The following TMEM178B variants were observed in gnomAD, a reference collection of about 807,000 sequenced individuals.
The protein encoded by TMEM178B is transmembrane protein 178B.
A neutral mutation model predicts 31.0 loss-of-function variants in TMEM178B; 5 were observed. The observed-to-expected ratio is 0.16, with a 90% CI of 0.08 to 0.34. TMEM178B has a LOEUF of 0.34. Ranked by LOEUF, TMEM178B falls within the 10% of genes least tolerant of loss-of-function variation. The pLI is 1.00. For synonymous variants in TMEM178B, 164 were observed against 164.0 expected (o/e 1.00, Z 0.00); for missense variants, 275 against 400.3 (o/e 0.69, Z 2.67).
chr7:141,179,908 C>T (rs187489604), intron 1 of TMEM178B, among the ~76,000 whole-genome samples: 3 of 152,188 alleles, frequency 2.0e-5, no homozygotes, highest in East Asian at 1.9e-4. Flanking sequence ...CTCCTGGCCT[C>T]GCCGGTTTGT....
intron 1 of TMEM178B, among the ~76,000 whole-genome samples, chr7:141,091,147 G>T (rs1794874034): frequency 6.6e-6 from 1 of 152,160 alleles, no homozygotes; most frequent in Non-Finnish European, 1.5e-5. Flanking sequence ...GCTGGAAAAT[G>T]ATTTCCAGCA....
At chr7:141,415,119 TTG>T (rs1485469694) in intron 2 of TMEM178B, 1 of 152,250 alleles carries the variant, frequency 6.6e-6, no homozygotes, top group Non-Finnish European at 1.5e-5. Context: ...AGAAAGGAGA[TTG>T]TGCTGGTGAG....
At chr7:141,330,373 G>A (rs1351460335) in intron 2 of TMEM178B, among the ~76,000 whole-genome samples, 2 of 152,140 alleles carry the variant, frequency 1.3e-5, no homozygotes, top group African/African-American at 4.8e-5. Flanking sequence ...AGAACATATG[G>A]TGTTTGGTTT....
At chr7:141,459,482 C>A (rs1802024639) in intron 3 of TMEM178B, among the ~76,000 whole-genome samples, 1 of 152,166 alleles carries the variant, frequency 6.6e-6, no homozygotes, top group Admixed American at 6.5e-5. Context: ...CAAGCTCAAA[C>A]AGAGGATAGG....
intron 1 of TMEM178B, among the ~76,000 whole-genome samples, chr7:141,159,806 G>A (rs1335775006): frequency 6.6e-6 from 1 of 152,120 alleles, no homozygotes; most frequent in East Asian, 1.9e-4. Context: ...TCGTCAGGGG[G>A]TTGGGGGATG....
At chr7:141,439,263 A>T (rs957332363) in intron 3 of TMEM178B, among the ~76,000 whole-genome samples, 1 of 152,214 alleles carries the variant, frequency 6.6e-6, no homozygotes, top group Non-Finnish European at 1.5e-5. Flanking sequence ...TCAGGGCTAA[A>T]AAAACCGTCT....
rs140799785 is a variant in TMEM178B at position 141,207,270 on chromosome 7, G to A, written c.383-5321G>A. On this transcript the variant is annotated intron_variant, in intron 1 of 3. Transcript: ENST00000565468. Reference sequence around the variant, plus strand: ...ATGCTGCAATGAACATGGGAGTGCAGATATCTCTTTGAGATAGTGATTTCA... The same window carrying A: ...ATGCTGCAATGAACATGGGAGTGCAAATATCTCTTTGAGATAGTGATTTCA... 6.2e-4 allele frequency among the ~76,000 whole-genome samples: 94 copies of A among 152,326 alleles called. No homozygotes were observed. The East Asian group carries it at 7.1e-3, about 12-fold the overall frequency.
intron 2 of TMEM178B, among the ~76,000 whole-genome samples, chr7:141,423,775 G>T (rs1320863935): frequency 1.3e-5 from 2 of 149,628 alleles, no homozygotes; most frequent in Non-Finnish European, 3.0e-5. Flanking sequence ...GGGCAGATTT[G>T]AGTAAGAAGA....
At chr7:141,462,358 G>A (rs1802072675) in intron 3 of TMEM178B, among the ~76,000 whole-genome samples, 1 of 152,152 alleles carries the variant, frequency 6.6e-6, no homozygotes, top group African/African-American at 2.4e-5. Context: ...GGAACACCTT[G>A]AATATACCGT....
chr7:141,456,149 C>G (rs1052812794), intron 3 of TMEM178B, among the ~76,000 whole-genome samples: 1 of 152,178 alleles, frequency 6.6e-6, no homozygotes, highest in Admixed American at 6.5e-5. Flanking sequence ...GCAGTAGCCT[C>G]TCTCCAGATA....
Position 141,479,318 on chromosome 7 carries a change from T to C in TMEM178B, c.*8532T>C, listed in dbSNP as rs1007517817. 6.6e-6 allele frequency: 1 copy of C among 152,212 alleles called. No homozygotes were observed. The highest frequency in any genetic ancestry group is 1.5e-5 in the Non-Finnish European group (1 of 68,036). The allele number at this position is 152,212 out of a possible 1,614,324, so 9.4% of individuals were successfully genotyped here. A position where few individuals can be genotyped will look rare whatever the true frequency, so the allele number is the denominator to read the frequency against. On this transcript the variant is annotated 3_prime_UTR_variant, in exon 4 of 4. Transcript: ENST00000565468. ...TTCTGAATCCCTTAATTTTCTTAAA[T>C]ATTTATCTTAAAGTCAAATGCTATA...
intron 2 of TMEM178B, among the ~76,000 whole-genome samples, chr7:141,286,405 G>A (rs1409952191): frequency 6.6e-6 from 1 of 152,154 alleles, no homozygotes; most frequent in Non-Finnish European, 1.5e-5. Flanking sequence ...TGTTTTTCTA[G>A]TGTATATTTT....
chr7:141,187,477 A>C (rs931320150), intron 1 of TMEM178B, among the ~76,000 whole-genome samples: 1 of 152,260 alleles, frequency 6.6e-6, no homozygotes, highest in Admixed American at 6.5e-5. Flanking sequence ...TGGCTGGGTC[A>C]AATGGTATTT....
chr7:141,155,884 G>T (rs192833918), intron 1 of TMEM178B, among the ~76,000 whole-genome samples: 83 of 152,262 alleles, frequency 5.5e-4, no homozygotes, highest in African/African-American at 1.9e-3. Context: ...GGCCAAGATG[G>T]TGAAAACCCG....
intron 2 of TMEM178B, among the ~76,000 whole-genome samples, chr7:141,311,689 A>G (rs755464602): frequency 6.6e-6 from 1 of 152,134 alleles, no homozygotes; most frequent in Non-Finnish European, 1.5e-5. Flanking sequence ...TTCTGGTTCA[A>G]TTTTGTTCAG....
chr7:141,502,407 C>A, the TMEM178B span, among the ~76,000 whole-genome samples: 188 of 152,220 alleles, frequency 1.2e-3, no homozygotes, highest in Non-Finnish European at 1.9e-3. Context: ...ACCAGTCCAA[C>A]GGGCTAAATC....
At chr7:141,275,066 A>G (rs570915229) in intron 2 of TMEM178B, among the ~76,000 whole-genome samples, 13 of 152,376 alleles carry the variant, frequency 8.5e-5, no homozygotes, top group African/African-American at 3.1e-4. Flanking sequence ...GGACTTTATC[A>G]AAATGTAAAG....
At chr7:141,361,518 C>A (rs186173011) in intron 2 of TMEM178B, among the ~76,000 whole-genome samples, 99 of 152,266 alleles carry the variant, frequency 6.5e-4, no homozygotes, top group African/African-American at 1.9e-3. Context: ...ATTTAAAAAT[C>A]AGGAGATTTT....
At chr7:141,313,042 A>G (rs979912173) in intron 2 of TMEM178B, among the ~76,000 whole-genome samples, 1 of 152,210 alleles carries the variant, frequency 6.6e-6, no homozygotes. Context: ...TATTTTACCC[A>G]GGCCCTATTC....
Sources: allele counts gnomAD v4.1 joint callset (sites outside exome capture counted in the v4.1 genomes callset), GRCh38; gene constraint gnomAD v4.1.1; transcripts MANE v1.5; gene names NCBI Gene and HGNC (gene_info 2026-07-23, HGNC 2026-07-21).